RTL9: variants seen among roughly 807,000 people sequenced by gnomAD.
The protein encoded by RTL9 is retrotransposon Gag like 9.
In RTL9, 19 loss-of-function variants were observed where a neutral mutation model predicts 44.7. The observed-to-expected ratio is 0.42, with a 90% confidence interval of 0.30 to 0.62. RTL9 has a LOEUF of 0.62. Among genes scored for constraint, RTL9 ranks in the 20% least tolerant of loss-of-function variants. RTL9 has a pLI of 0.16. For missense variants in RTL9, 1,105 were observed against 1,080.6 expected (o/e 1.02, Z -0.32); for synonymous variants, 407 against 398.9 (o/e 1.02, Z -0.24).
chrX:110,450,869 T>A (rs1320742847), exon 1 of RTL9: 2 of 1,212,001 alleles, frequency 1.7e-6, no homozygotes, highest in Admixed American at 4.3e-5. Context: ...TACCAAACTC[T>A]GGAGCATTGT....
intron 1 of RTL9, among the ~76,000 whole-genome samples, chrX:110,426,075 C>T (rs1407825529): frequency 8.9e-6 from 1 of 111,921 alleles, no homozygotes; most frequent in Non-Finnish European, 1.9e-5. Context: ...TCTATTGTGG[C>T]TTGATTTCTT....
At chrX:110,448,491 T>C (rs1243741000), upstream of RTL9, among the ~76,000 whole-genome samples, 1 of 109,230 alleles carries the variant, frequency 9.2e-6, no homozygotes, top group Non-Finnish European at 1.9e-5. Context: ...GGGCATAGGC[T>C]GGTGGGACTG....
chrX:110,424,015 G>A (rs973674231), intron 1 of RTL9, among the ~76,000 whole-genome samples: 8 of 112,025 alleles, frequency 7.1e-5, no homozygotes, highest in African/African-American at 2.6e-4. Context: ...TATGAGTGAG[G>A]TGTTGTGCTA....
chrX:110,454,009 C>T (rs140356169), exon 1 of RTL9: 1,366 of 1,210,418 alleles, frequency 1.1e-3, no homozygotes, highest in Non-Finnish European at 1.4e-3. Context: ...CCTGAAACTG[C>T]GAAACCACCA....
chrX:110,426,657 C>T (rs765794268), intron 1 of RTL9: 1 of 112,011 alleles, frequency 8.9e-6, no homozygotes, highest in Non-Finnish European at 1.9e-5. Flanking sequence ...AGTAAACATA[C>T]CTAGAGTAAT....
At chrX:110,366,377 T>C (rs760404941) in intron 1 of RTL9, among the ~76,000 whole-genome samples, 2 of 111,745 alleles carry the variant, frequency 1.8e-5, no homozygotes, top group Non-Finnish European at 3.8e-5. Context: ...TAATGGGGTA[T>C]ACCGGATTTG....
chrX:110,371,895 A>G (rs2068341258), intron 1 of RTL9, among the ~76,000 whole-genome samples: 2 of 110,996 alleles, frequency 1.8e-5, no homozygotes, highest in African/African-American at 3.3e-5. Flanking sequence ...CAATGCTCAC[A>G]CTGTTATAAA....
At chrX:110,421,149 C>T (rs752582758) in intron 1 of RTL9, among the ~76,000 whole-genome samples, 7 of 112,236 alleles carry the variant, frequency 6.2e-5, no homozygotes, top group Non-Finnish European at 7.5e-5. Context: ...CAGCCCAGCC[C>T]GTGAAAATGG....
At chrX:110,379,466 T>C (rs1056455039) in intron 1 of RTL9, among the ~76,000 whole-genome samples, 1 of 112,521 alleles carries the variant, frequency 8.9e-6, no homozygotes, top group Non-Finnish European at 1.9e-5. Context: ...CAGCCTCTCA[T>C]GGCTTTCTGC....
At chrX:110,448,533 C>T (rs779224106), upstream of RTL9, among the ~76,000 whole-genome samples, 1 of 108,561 alleles carries the variant, frequency 9.2e-6, no homozygotes, top group South Asian at 4.2e-4. Flanking sequence ...GGTGGAGTTG[C>T]ATAGGCCAAG....
chrX:110,375,855 C>T (rs1209968386), intron 1 of RTL9, among the ~76,000 whole-genome samples: 1 of 111,674 alleles, frequency 9.0e-6, no homozygotes, highest in Non-Finnish European at 1.9e-5. Flanking sequence ...AATAAAACAT[C>T]AGAATCTGTG....
upstream of RTL9, among the ~76,000 whole-genome samples, chrX:110,449,304 A>C (rs1313826591): frequency 1.8e-5 from 2 of 112,370 alleles, no homozygotes; most frequent in Non-Finnish European, 3.8e-5. Flanking sequence ...ATACATGTAA[A>C]GTGCCTAGCA....
chrX:110,435,273 G>A (rs1487420022), intron 1 of RTL9, among the ~76,000 whole-genome samples: 1 of 111,695 alleles, frequency 9.0e-6, no homozygotes, highest in Non-Finnish European at 1.9e-5. Flanking sequence ...GAGTTCTTTA[G>A]TGTGGGAGTA....
exon 2 of RTL9, chrX:110,455,633 A>G: frequency 5.6e-6 from 1 of 179,000 alleles, no homozygotes; most frequent in Non-Finnish European, 1.1e-5. Context: ...GATAAATCAT[A>G]TCTTACCTCA....
upstream of RTL9, among the ~76,000 whole-genome samples, chrX:110,449,983 T>C (rs2068929352): frequency 8.9e-6 from 1 of 112,035 alleles, no homozygotes; most frequent in African/African-American, 3.2e-5. Context: ...CTGTTATTAA[T>C]AAGAATAATG....
At chrX:110,383,487 T>C (rs1339817138) in intron 1 of RTL9, among the ~76,000 whole-genome samples, 1 of 111,337 alleles carries the variant, frequency 9.0e-6, no homozygotes, top group African/African-American at 3.3e-5. Flanking sequence ...CACTTTCTTA[T>C]TACTCAGCCT....
chrX:110,420,318 A>G (rs1211657019), intron 1 of RTL9, among the ~76,000 whole-genome samples: 2 of 112,303 alleles, frequency 1.8e-5, no homozygotes, highest in Non-Finnish European at 3.8e-5. Flanking sequence ...TAACCAAGGA[A>G]TATTCGTTGA....
In RTL9 at chrX:110,434,164, A is replaced by G. The variant is rs143326309; in HGVS notation, c.-167-10989A>G. Among the ~76,000 whole-genome samples the G allele has an allele frequency of 8.0e-5, 9 of 111,893 alleles. No homozygotes were observed. In the East Asian group the frequency reaches 2.0e-3, roughly 24 times the overall value. ...GTATTTGTGTGACAGGGCCTAGTGC[A>G]TGTTTCAAAGGGCAGGACAATTGTA... is the stretch of plus-strand genomic sequence containing the variant. On this transcript the variant is annotated intron_variant, in intron 1 of 3. Coordinates refer to the RTL9 transcript ENST00000465301.
At chrX:110,436,452 T>G (rs2068839023) in intron 1 of RTL9, among the ~76,000 whole-genome samples, 1 of 111,971 alleles carries the variant, frequency 8.9e-6, no homozygotes, top group African/African-American at 3.2e-5. Context: ...TTTAGTAAAC[T>G]CTCAGGCTGA....
Sources: allele counts gnomAD v4.1 joint callset (sites outside exome capture counted in the v4.1 genomes callset), GRCh38; gene constraint gnomAD v4.1.1; transcripts MANE v1.5; gene names NCBI Gene and HGNC (gene_info 2026-07-23, HGNC 2026-07-21).